Variants in KCNN2 observed in about 807,000 individuals in gnomAD.
The protein encoded by KCNN2 is potassium calcium-activated channel subfamily N member 2.
A neutral mutation model predicts 55.5 loss-of-function variants in KCNN2; 24 were observed. The observed-to-expected ratio is 0.43, with a 90% CI of 0.31 to 0.61. KCNN2 has a LOEUF of 0.61. Ranked by LOEUF, KCNN2 falls within the 20% of genes least tolerant of loss-of-function variation. KCNN2 has a pLI of 0.08. For synonymous variants in KCNN2, 431 were observed against 336.1 expected (o/e 1.28, Z -3.09); for missense variants, 754 against 853.6 (o/e 0.88, Z 1.45).
At chr5:114,195,807 A>G (rs573017977) in intron 1 of KCNN2, among the ~76,000 whole-genome samples, 64 of 152,156 alleles carry the variant, frequency 4.2e-4, no homozygotes, top group African/African-American at 1.4e-3. Context: ...ACCATTAAAT[A>G]TGATATTAGC....
chr5:114,408,359 T>C (rs576207267), intron 3 of KCNN2, among the ~76,000 whole-genome samples: 25 of 152,262 alleles, frequency 1.6e-4, no homozygotes, highest in Admixed American at 1.1e-3. Flanking sequence ...AGCCCACCTG[T>C]TTATACCAGA....
intron 2 of KCNN2, among the ~76,000 whole-genome samples, chr5:114,389,169 T>C (rs754871282): frequency 6.6e-6 from 1 of 152,050 alleles, no homozygotes; most frequent in Non-Finnish European, 1.5e-5. Flanking sequence ...ATTTACTTAA[T>C]GTAATAATTG....
chr5:114,325,208 G>T (rs1476843769), intron 2 of KCNN2, among the ~76,000 whole-genome samples: 1 of 152,160 alleles, frequency 6.6e-6, no homozygotes, highest in Non-Finnish European at 1.5e-5. Context: ...ATGAAGAAAG[G>T]AAGAGGAATC....
chr5:114,417,542 A>G (rs1311175845), intron 3 of KCNN2, among the ~76,000 whole-genome samples: 1 of 152,132 alleles, frequency 6.6e-6, no homozygotes, highest in African/African-American at 2.4e-5. Context: ...CGACTATATC[A>G]TCTAGATCTC....
intron 1 of KCNN2, among the ~76,000 whole-genome samples, chr5:114,084,360 A>G (rs1300180366): frequency 3.3e-5 from 5 of 152,026 alleles, no homozygotes; most frequent in Admixed American, 2.0e-4. Context: ...TTTCAATTTT[A>G]GTGATTTTGA....
At chr5:114,121,276 C>T (rs1012484678) in intron 1 of KCNN2, among the ~76,000 whole-genome samples, 18 of 152,150 alleles carry the variant, frequency 1.2e-4, no homozygotes, top group African/African-American at 3.9e-4. Flanking sequence ...CAAAGGGTAT[C>T]TTGGTAAGTT....
intron 2 of KCNN2, among the ~76,000 whole-genome samples, chr5:114,375,114 C>T (rs1224830599): frequency 6.6e-6 from 1 of 152,094 alleles, no homozygotes; most frequent in Non-Finnish European, 1.5e-5. Flanking sequence ...AGAATAGTGT[C>T]TCCAGTCACA....
intron 1 of KCNN2, among the ~76,000 whole-genome samples, chr5:114,181,750 C>T: frequency 6.6e-6 from 1 of 152,142 alleles, no homozygotes; most frequent in Non-Finnish European, 1.5e-5. Flanking sequence ...GGTGTGGTGT[C>T]TCACGCCTGT....
intron 4 of KCNN2, among the ~76,000 whole-genome samples, chr5:114,467,768 C>G (rs1761525346): frequency 6.6e-6 from 1 of 152,008 alleles, no homozygotes; most frequent in Non-Finnish European, 1.5e-5. Context: ...TTGTTGTGAC[C>G]TTTTAGCACA....
chr5:114,468,061 A>T (rs1355899701), intron 4 of KCNN2, among the ~76,000 whole-genome samples: 1 of 151,026 alleles, frequency 6.6e-6, no homozygotes, highest in African/African-American at 2.4e-5. Context: ...AACACCACAC[A>T]CTCTCCCCTC....
chr5:114,371,585 C>T (rs1045355336), intron 2 of KCNN2, among the ~76,000 whole-genome samples: 3 of 152,078 alleles, frequency 2.0e-5, no homozygotes, highest in African/African-American at 7.2e-5. Flanking sequence ...CTTGATGAGC[C>T]GTTTCTGTGG....
intron 2 of KCNN2, among the ~76,000 whole-genome samples, chr5:114,344,797 TG>T (rs1175421280): frequency 6.6e-6 from 1 of 152,170 alleles, no homozygotes; most frequent in Non-Finnish European, 1.5e-5. Flanking sequence ...TTACAACACA[TG>T]AAGAAACTCA....
intron 1 of KCNN2, among the ~76,000 whole-genome samples, chr5:114,159,613 G>A (rs1414142745): frequency 6.6e-6 from 1 of 152,152 alleles, no homozygotes; most frequent in Non-Finnish European, 1.5e-5. Context: ...GTAGAATTCA[G>A]CTGTGAGTCC....
chr5:114,085,490 C>T (rs925602053), intron 1 of KCNN2, among the ~76,000 whole-genome samples: 2 of 151,832 alleles, frequency 1.3e-5, no homozygotes, highest in Non-Finnish European at 2.9e-5. Flanking sequence ...TTTCCAATTG[C>T]TCATTGATGG....
chr5:114,291,198 TA>T (rs1755879644), intron 2 of KCNN2, among the ~76,000 whole-genome samples: 1 of 73,880 alleles, frequency 1.4e-5, no homozygotes, highest in African/African-American at 3.5e-5. Flanking sequence ...TTTATTTTAT[TA>T]TTATTATACT....
intron 5 of KCNN2, among the ~76,000 whole-genome samples, chr5:114,485,813 CT>C (rs1397839160): frequency 1.3e-5 from 2 of 152,148 alleles, no homozygotes; most frequent in Non-Finnish European, 2.9e-5. Flanking sequence ...AAAAAGAAAA[CT>C]TTTTCACTCC....
chr5:114,236,666 C>T (rs865989992), intron 2 of KCNN2, among the ~76,000 whole-genome samples: 13 of 152,030 alleles, frequency 8.6e-5, no homozygotes, highest in Admixed American at 5.9e-4. Context: ...AATATCATCC[C>T]GACTCCTGTG....
At chr5:114,247,759 A>G (rs1014241610) in intron 2 of KCNN2, among the ~76,000 whole-genome samples, 3 of 152,190 alleles carry the variant, frequency 2.0e-5, no homozygotes, top group Non-Finnish European at 4.4e-5. Context: ...AATTGCTGGC[A>G]ACTATGTCTG....
At chr5:114,185,584 C>T (rs542421662) in intron 1 of KCNN2, among the ~76,000 whole-genome samples, 3 of 152,192 alleles carry the variant, frequency 2.0e-5, no homozygotes, top group Admixed American at 6.5e-5. Flanking sequence ...CTATCTTTTT[C>T]CTTCTCACCC....
Sources: gnomAD v4.1 joint callset for allele counts (sites outside exome capture counted in the v4.1 genomes callset) on GRCh38, gnomAD v4.1.1 for gene constraint, MANE v1.5 for transcripts, NCBI Gene and HGNC (gene_info 2026-07-23, HGNC 2026-07-21) for gene names.